Variants in SMIM13 observed in about 807,000 individuals in gnomAD.
SMIM13 encodes small integral membrane protein 13, also known as UPF0766 protein C6orf228.
A neutral mutation model predicts 5.9 loss-of-function variants in SMIM13; 3 were observed. The observed-to-expected ratio is 0.51, with a 90% CI of 0.23 to 1.31. SMIM13 has a LOEUF of 1.31. Among genes scored for constraint, SMIM13 ranks in the 40% most tolerant of loss-of-function variants. SMIM13 has a pLI of 0.18. For synonymous variants in SMIM13, 55 were observed against 46.0 expected (o/e 1.19, Z -0.79); for missense variants, 85 against 109.9 (o/e 0.77, Z 1.01).
chr6:11,104,148 A>AT (rs1561752433), intron 1 of SMIM13: 1 of 1,551,630 alleles, frequency 6.4e-7, no homozygotes, highest in Admixed American at 2.0e-5. Context: ...GTTGTTGGCT[A>AT]TTTCCTTTGA....
rs1758535724 is a variant in SMIM13 at position 11,137,890 on chromosome 6, C to T, written c.*3288C>T. The T allele has an allele frequency of 6.6e-6, 1 of 152,110 alleles. No homozygotes were observed. Among genetic ancestry groups the T allele is most frequent in the Non-Finnish European group, 1.5e-5 (1 of 68,008 alleles). The allele number at this position is 152,110 out of a possible 1,614,324, so 9.4% of individuals were successfully genotyped here. On this transcript the variant is annotated 3_prime_UTR_variant, in exon 2 of 2. Coordinates refer to ENST00000416247, the MANE Select transcript of SMIM13 (RefSeq NM_001135575.2). Reference sequence around the variant, plus strand: ...GTGCGGTGGACAGCCACTTCACAGACATGCAGACCCATTTCTTTAGAGATA... The same window carrying T: ...GTGCGGTGGACAGCCACTTCACAGATATGCAGACCCATTTCTTTAGAGATA...
intron 1 of SMIM13, among the ~76,000 whole-genome samples, chr6:11,114,805 G>A (rs1758216377): frequency 6.6e-6 from 1 of 151,750 alleles, no homozygotes; most frequent in Non-Finnish European, 1.5e-5. Flanking sequence ...TCACCATGTT[G>A]ATCAGGCTGG....
chr6:11,096,578 A>G lies in SMIM13; in HGVS notation c.76+2189A>G, dbSNP rs540548153. 7.9e-5 allele frequency among the ~76,000 whole-genome samples: 12 copies of G among 152,346 alleles called. No homozygotes were observed. In the East Asian group the frequency reaches 2.3e-3, roughly 29 times the overall value. On this transcript the variant is annotated intron_variant, in intron 1 of 1. Coordinates refer to ENST00000416247, the MANE Select transcript of SMIM13 (RefSeq NM_001135575.2). ...AACTTGGGGAGAGGAGGCAAGGATC[A>G]GACCAGACTTAAGAGAGAAATTGGA...
intron 1 of SMIM13, among the ~76,000 whole-genome samples, chr6:11,131,531 T>G (rs1758449919): frequency 6.6e-6 from 1 of 152,092 alleles, no homozygotes; most frequent in Non-Finnish European, 1.5e-5. Context: ...AAACTTAGTA[T>G]AAAGCTACTG....
chr6:11,131,904 A>G (rs952414462), intron 1 of SMIM13, among the ~76,000 whole-genome samples: 18 of 152,204 alleles, frequency 1.2e-4, no homozygotes, highest in Admixed American at 6.5e-4. Context: ...AAGCAAACAA[A>G]GGAAAAAATG....
At chr6:11,098,858 A>G (rs1027170076) in intron 1 of SMIM13, among the ~76,000 whole-genome samples, 1 of 152,210 alleles carries the variant, frequency 6.6e-6, no homozygotes, top group African/African-American at 2.4e-5. Flanking sequence ...ACAACCTACA[A>G]TAGAAAATAG....
rs543348563 is a variant in SMIM13, at chr6:11,104,788, G to A, written c.76+10399G>A. ...CCCTGAGGAAAAGTAATATTTGGAGGTTTGGGGAATCTTGGTTGATGGCGG... is the reference window on the plus strand; with the variant it reads ...CCCTGAGGAAAAGTAATATTTGGAGATTTGGGGAATCTTGGTTGATGGCGG... On this transcript the variant is annotated intron_variant, in intron 1 of 1. Coordinates refer to ENST00000416247, the MANE Select transcript of SMIM13 (RefSeq NM_001135575.2). 113 of 1,614,226 alleles carry A rather than the reference G, an allele frequency of 7.0e-5. 3 individuals are homozygous for A. The South Asian group carries it at 1.2e-3, about 17-fold the overall frequency.
intron 1 of SMIM13, among the ~76,000 whole-genome samples, chr6:11,117,879 A>C (rs892618841): frequency 6.6e-6 from 1 of 152,020 alleles, no homozygotes; most frequent in African/African-American, 2.4e-5. Context: ...CCTTGCAAGT[A>C]GCTGGGATTG....
At chr6:11,130,654 A>G (rs1758441386) in intron 1 of SMIM13, among the ~76,000 whole-genome samples, 1 of 152,198 alleles carries the variant, frequency 6.6e-6, no homozygotes, top group Non-Finnish European at 1.5e-5. Context: ...GGCTGCTGGC[A>G]GTGATTACCA....
intron 1 of SMIM13, among the ~76,000 whole-genome samples, chr6:11,110,280 T>C (rs1368091469): frequency 1.3e-5 from 2 of 152,192 alleles, no homozygotes; most frequent in African/African-American, 4.8e-5. Context: ...TAATCTGTTT[T>C]GTGTTTGTAG....
At chr6:11,133,518 A>G (rs533689879) in intron 1 of SMIM13, among the ~76,000 whole-genome samples, 24 of 152,246 alleles carry the variant, frequency 1.6e-4, no homozygotes, top group African/African-American at 5.1e-4. Flanking sequence ...TTTCTATTCT[A>G]TGCAACCAGA....
Position 11,104,533 on chromosome 6 carries a change from T to C in SMIM13, c.76+10144T>C, listed in dbSNP as rs1758053750. Reference sequence around the variant, plus strand: ...CCCAGGTAGCTGGTGGCTATAGTCATGCCTGCTAAGACTTGGACGCAGGGT... The same window carrying C: ...CCCAGGTAGCTGGTGGCTATAGTCACGCCTGCTAAGACTTGGACGCAGGGT... On this transcript the variant is annotated intron_variant, in intron 1 of 1. Coordinates refer to ENST00000416247, the MANE Select transcript of SMIM13 (RefSeq NM_001135575.2). 3.2e-6 allele frequency: 5 copies of C among 1,578,256 alleles called. No homozygotes were observed. The South Asian group carries it at 5.7e-5, about 18-fold the overall frequency.
At chr6:11,128,835 T>A (rs899752593) in intron 1 of SMIM13, among the ~76,000 whole-genome samples, 1 of 152,058 alleles carries the variant, frequency 6.6e-6, no homozygotes, top group Admixed American at 6.5e-5. Flanking sequence ...CAGAGTCCCA[T>A]AATAATCACT....
At chr6:11,127,854 AG>A in intron 1 of SMIM13, among the ~76,000 whole-genome samples, 1 of 152,286 alleles carries the variant, frequency 6.6e-6, no homozygotes, top group Non-Finnish European at 1.5e-5. Flanking sequence ...GACACAGCCA[AG>A]CCATATCACT....
chr6:11,098,826 C>G (rs1757956978), intron 1 of SMIM13, among the ~76,000 whole-genome samples: 1 of 152,094 alleles, frequency 6.6e-6, no homozygotes, highest in Admixed American at 6.6e-5. Flanking sequence ...TTCTCATTCC[C>G]TAGAATTTTC....
At chr6:11,101,690 G>C (rs186160713) in intron 1 of SMIM13, among the ~76,000 whole-genome samples, 232 of 151,972 alleles carry the variant, frequency 1.5e-3, no homozygotes, top group African/African-American at 5.1e-3. Flanking sequence ...TCTTATACTG[G>C]TGACAGCTGT....
At chr6:11,107,706 G>A (rs769289801) in intron 1 of SMIM13, among the ~76,000 whole-genome samples, 4 of 152,230 alleles carry the variant, frequency 2.6e-5, no homozygotes, top group Non-Finnish European at 5.9e-5. Context: ...ATCATTGGGT[G>A]TATTGGGACT....
chr6:11,104,998 G>C (rs2113644233), intron 1 of SMIM13: 2 of 1,614,202 alleles, frequency 1.2e-6, no homozygotes, highest in South Asian at 2.2e-5. Flanking sequence ...GGAGGTTTCT[G>C]GCGGATATCA....
chr6:11,105,102 G>T (rs375676990), intron 1 of SMIM13: 2 of 1,614,044 alleles, frequency 1.2e-6, no homozygotes, highest in Non-Finnish European at 1.7e-6. Flanking sequence ...ATGTAATTCC[G>T]CCTCTATGCT....
Sources: gnomAD v4.1 joint callset for allele counts (sites outside exome capture counted in the v4.1 genomes callset) on GRCh38, gnomAD v4.1.1 for gene constraint, MANE v1.5 for transcripts, NCBI Gene and HGNC (gene_info 2026-07-23, HGNC 2026-07-21) for gene names.